TSPAN8: variants seen among roughly 807,000 people sequenced by gnomAD.
The protein encoded by TSPAN8 is tetraspanin 8, also known as tetraspanin-8.
TSPAN8 carries 21 observed loss-of-function variants against 32.8 expected under a neutral mutation model. That is an observed-to-expected ratio of 0.64 (90% CI 0.45 to 0.92). TSPAN8 has a LOEUF of 0.92. Ranked by LOEUF, TSPAN8 falls within the 40% of genes least tolerant of loss-of-function variation. The pLI, the probability that TSPAN8 is intolerant of heterozygous loss-of-function variation, is 0.00. For missense variants in TSPAN8, 269 were observed against 281.9 expected, an observed-to-expected ratio of 0.95 and a Z score of 0.33; for synonymous variants, 95 against 94.6, an observed-to-expected ratio of 1.00 and a Z score of -0.03.
At position 71,153,542 on chromosome 12, in the gene TSPAN8, G is replaced by A. The variant is rs115173093; in HGVS notation, c.60+4077C>T. Among the ~76,000 whole-genome samples, 443 of 152,306 alleles carry A rather than the reference G, an allele frequency of 2.9e-3. 2 individuals carry two copies. The highest frequency in any genetic ancestry group is 0.01 in the African/African-American group (421 of 41,570). ...ACTTTGCAAAGGCTCAGTTTTGCAA[G>A]TTATACCAGAAAGAATGCATTTGAA... On this transcript the variant is annotated intron_variant, in intron 2 of 8. Transcript: ENST00000247829.
chr12:71,150,916 C>T (rs1273386736), intron 2 of TSPAN8, among the ~76,000 whole-genome samples: 1 of 152,128 alleles, frequency 6.6e-6, no homozygotes, highest in Non-Finnish European at 1.5e-5. Flanking sequence ...GAGGCCTCCC[C>T]AGCCACATAG....
intron 2 of TSPAN8, among the ~76,000 whole-genome samples, chr12:71,151,835 C>A (rs1434961096): frequency 6.6e-6 from 1 of 152,202 alleles, no homozygotes; most frequent in Non-Finnish European, 1.5e-5. Context: ...GGCATTTGAG[C>A]AGGGAAATTT....
intron 7 of TSPAN8, among the ~76,000 whole-genome samples, chr12:71,130,451 TA>T (rs1471811551): frequency 4.6e-5 from 7 of 152,198 alleles, no homozygotes; most frequent in African/African-American, 1.7e-4. Context: ...GGACTAGACC[TA>T]ATAACTTCAA....
At chr12:71,156,675 G>C (rs2137064753) in intron 2 of TSPAN8, among the ~76,000 whole-genome samples, 1 of 152,228 alleles carries the variant, frequency 6.6e-6, no homozygotes, top group African/African-American at 2.4e-5. Context: ...CAACACATAG[G>C]TATGAGATGT....
At chr12:71,140,431 A>T (rs952511111) in intron 3 of TSPAN8, among the ~76,000 whole-genome samples, 2 of 152,220 alleles carry the variant, frequency 1.3e-5, no homozygotes, top group Non-Finnish European at 2.9e-5. Context: ...TTAACTGAAA[A>T]GGGACATGAG....
At position 71,140,005 on chromosome 12, in the gene TSPAN8, A is replaced by G. The variant is rs191411742; in HGVS notation, c.124-157T>C. ...TTAAAAAGTACAAATCCTTGCCCTC[A>G]TGGAGCTCACATTCTATTGAAGTGC... is the stretch of plus-strand genomic sequence containing the variant. On this transcript the variant is annotated intron_variant, in intron 3 of 8. Coordinates refer to ENST00000247829, the MANE Select transcript of TSPAN8 (RefSeq NM_004616.3). Among the ~76,000 whole-genome samples the G allele has an allele frequency of 2.2e-3, 340 of 152,228 alleles. 1 individual carries two copies. The highest frequency in any genetic ancestry group is 4.0e-3 in the Non-Finnish European group (272 of 68,030).
chr12:71,140,084 T>C (rs1192990486), intron 3 of TSPAN8, among the ~76,000 whole-genome samples: 1 of 144,712 alleles, frequency 6.9e-6, no homozygotes. Context: ...ATGTAATAGG[T>C]TTTTTTAAAC....
At chr12:71,146,043 T>TAAATC (rs1391674372) in intron 2 of TSPAN8, among the ~76,000 whole-genome samples, 1 of 152,146 alleles carries the variant, frequency 6.6e-6, no homozygotes, top group African/African-American at 2.4e-5. Flanking sequence ...TAAATCTTAT[T>TAAATC]AAATCAATCA....
intron 2 of TSPAN8, among the ~76,000 whole-genome samples, chr12:71,151,151 C>T (rs1194678441): frequency 6.6e-6 from 1 of 151,852 alleles, no homozygotes. Flanking sequence ...ACAAGCTCCG[C>T]CTCCCGGGTT....
chr12:71,157,335 A>T (rs1480744283), intron 2 of TSPAN8: 1 of 329,568 alleles, frequency 3.0e-6, no homozygotes. Flanking sequence ...ATTGTCCTTT[A>T]ATTAAGGGGC....
At chr12:71,143,354 C>T (rs1481713513) in intron 3 of TSPAN8, among the ~76,000 whole-genome samples, 1 of 152,130 alleles carries the variant, frequency 6.6e-6, no homozygotes, top group Non-Finnish European at 1.5e-5. Flanking sequence ...CCTCTTCCCC[C>T]AACCCTTTCC....
chr12:71,151,639 T>C (rs1872259180), intron 2 of TSPAN8, among the ~76,000 whole-genome samples: 1 of 152,216 alleles, frequency 6.6e-6, no homozygotes, highest in African/African-American at 2.4e-5. Flanking sequence ...GTAACAGTTG[T>C]AGACCTGTGC....
Position 71,129,303 on chromosome 12 carries a change from G to C in TSPAN8, c.660+28C>G, listed in dbSNP as rs773006209. The C allele has an allele frequency of 4.0e-6, 6 of 1,481,740 alleles. No individual in the cohort carries two copies. In the African/African-American group the frequency reaches 8.9e-5, roughly 22 times the overall value. 91.8% of individuals were successfully genotyped at this position (1,481,740 alleles called of 1,614,324 possible). A position where few individuals can be genotyped will look rare whatever the true frequency, so the allele number is the denominator to read the frequency against. On this transcript the variant is annotated intron_variant, in intron 8 of 8. Transcript: ENST00000247829. Reference sequence around the variant, plus strand: ...TTAATGAACAAGCAAGGGAATAAAAGAGTCAATAATACAAGATTATACTGT... The same window carrying C: ...TTAATGAACAAGCAAGGGAATAAAACAGTCAATAATACAAGATTATACTGT...
intron 2 of TSPAN8, among the ~76,000 whole-genome samples, chr12:71,150,372 G>A (rs1403784728): frequency 6.6e-6 from 1 of 152,144 alleles, no homozygotes; most frequent in Non-Finnish European, 1.5e-5. Flanking sequence ...TCAGAAGCAT[G>A]TGATCTTTGT....
Position 71,125,392 on chromosome 12 carries a change from A to G in TSPAN8, c.661-5T>C. The G allele has an allele frequency of 6.2e-7, 1 of 1,609,464 alleles. No homozygotes were observed. Among genetic ancestry groups the G allele is most frequent in the Non-Finnish European group, 8.5e-7 (1 of 1,178,314 alleles). On this transcript the variant is annotated splice_region_variant and splice_polypyrimidine_tract_variant and intron_variant, in intron 8 of 8. Coordinates refer to ENST00000247829, the MANE Select transcript of TSPAN8 (RefSeq NM_004616.3). ...AGAAAACACCAAACCCAGTATCTAG[A>G]GAACAAAATAACAGGATTAACATGG... is the stretch of plus-strand genomic sequence containing the variant.
rs184083318 is a variant in TSPAN8, at chr12:71,134,720, T to C, written c.445-1896A>G. Among the ~76,000 whole-genome samples, 223 of 152,330 alleles carry C rather than the reference T, an allele frequency of 1.5e-3. 1 individual carries two copies. The highest frequency in any genetic ancestry group is 5.2e-3 in the African/African-American group (215 of 41,564). Reference sequence around the variant, plus strand: ...GTCAAATGTAAATTAAATTCCACTATAAAATTTATATTCTCATTTACAGAT... The same window carrying C: ...GTCAAATGTAAATTAAATTCCACTACAAAATTTATATTCTCATTTACAGAT... On this transcript the variant is annotated intron_variant, in intron 6 of 8. Coordinates refer to ENST00000247829, the MANE Select transcript of TSPAN8 (RefSeq NM_004616.3).
At position 71,156,267 on chromosome 12, in the gene TSPAN8, AAC is replaced by A. The variant is rs1491582290; in HGVS notation, c.60+1350_60+1351del. ...AAGTTCTCCAAAAAAAAAAAAAAAA[AAC>A]AAACAAAAAAAAAACTAGAAACAAA... On this transcript the variant is annotated intron_variant, in intron 2 of 8. Transcript: ENST00000247829. Among the ~76,000 whole-genome samples, 14 of 57,634 alleles carry A rather than the reference AAC, an allele frequency of 2.4e-4. 2 individuals carry two copies. The highest frequency in any genetic ancestry group is 7.4e-4 in the African/African-American group (12 of 16,252). The allele number at this position is 57,634 out of a possible 152,430, so 37.8% of individuals were successfully genotyped here. A position where few individuals can be genotyped will look rare whatever the true frequency, so the allele number is the denominator to read the frequency against.
At chr12:71,144,266 T>C (rs1035767309) in intron 2 of TSPAN8, 53 bp from the exon 3 acceptor site, 11 of 1,531,938 alleles carry the variant, frequency 7.2e-6, no homozygotes, top group Non-Finnish European at 8.0e-6. Flanking sequence ...CATATGAAAC[T>C]CTATTTCCAC....
At chr12:71,148,649 T>A (rs2035423726) in intron 2 of TSPAN8, among the ~76,000 whole-genome samples, 1 of 152,208 alleles carries the variant, frequency 6.6e-6, no homozygotes, top group Admixed American at 6.5e-5. Flanking sequence ...TGGGTTTCCA[T>A]TCTCTGTTGT....
Sources: gnomAD v4.1 joint callset for allele counts (sites outside exome capture counted in the v4.1 genomes callset) on GRCh38, gnomAD v4.1.1 for gene constraint, MANE v1.5 for transcripts, NCBI Gene and HGNC (gene_info 2026-07-23, HGNC 2026-07-21) for gene names.